Variants in DLG2 observed in about 807,000 individuals in gnomAD.
The protein encoded by DLG2 is discs large MAGUK scaffold protein 2.
DLG2 carries 45 observed loss-of-function variants against 132.5 expected under a neutral mutation model. The observed-to-expected ratio is 0.34, with a 90% CI of 0.27 to 0.44. The LOEUF (loss-of-function observed/expected upper bound fraction) is 0.44, where lower values mean the gene tolerates loss of function less well. Ranked by LOEUF, DLG2 falls within the 20% of genes least tolerant of loss-of-function variation. The probability of loss-of-function intolerance (pLI) is 1.00; values close to 1 mark genes in which losing one functional copy is unlikely to be tolerated. For missense variants in DLG2, 1,045 were observed against 1,196.9 expected (o/e 0.87, Z 1.87); for synonymous variants, 424 against 419.6 (o/e 1.01, Z -0.13).
chr11:83,464,424 G>C (rs932680762), intron 26 of DLG2, among the ~76,000 whole-genome samples: 1 of 152,178 alleles, frequency 6.6e-6, no homozygotes, highest in Admixed American at 6.5e-5. Flanking sequence ...GGCAATTCAT[G>C]GCAGCTTTGC....
At chr11:83,972,284 T>C (rs2091474098) in intron 12 of DLG2, among the ~76,000 whole-genome samples, 1 of 152,152 alleles carries the variant, frequency 6.6e-6, no homozygotes, top group Non-Finnish European at 1.5e-5. Context: ...ACATATTTAC[T>C]AAGAATTCAT....
intron 15 of DLG2, among the ~76,000 whole-genome samples, chr11:83,921,923 G>A (rs909994601): frequency 1.3e-5 from 2 of 151,992 alleles, no homozygotes; most frequent in African/African-American, 4.8e-5. Flanking sequence ...CACAGAATAG[G>A]AATTCTGGAG....
rs183106143 is a variant in DLG2 at position 84,181,907 on chromosome 11, A to G, written c.574-18396T>C. 2.0e-5 allele frequency among the ~76,000 whole-genome samples: 3 copies of G among 152,342 alleles called. No homozygotes were observed. In the East Asian group the frequency reaches 5.8e-4, roughly 29 times the overall value. ...GTAAAAACCCATAGAATAGCAAGAA[A>G]TAAATGAATCCACTATTATAGTTGG... On this transcript the variant is annotated intron_variant, in intron 8 of 27. Transcript: ENST00000376104.
chr11:84,576,528 G>A (rs902895520), intron 6 of DLG2, among the ~76,000 whole-genome samples: 2 of 152,110 alleles, frequency 1.3e-5, no homozygotes, highest in African/African-American at 2.4e-5. Context: ...TTGAAATAAA[G>A]TGTCTAGGTA....
chr11:85,079,948 C>G (rs935632779), intron 6 of DLG2, among the ~76,000 whole-genome samples: 3 of 152,024 alleles, frequency 2.0e-5, no homozygotes, highest in African/African-American at 7.2e-5. Context: ...ATCTTGATAT[C>G]CTCTCAGTAA....
intron 6 of DLG2, among the ~76,000 whole-genome samples, chr11:84,625,062 GT>G (rs2154542926): frequency 6.7e-6 from 1 of 150,370 alleles, no homozygotes; most frequent in Admixed American, 6.6e-5. Flanking sequence ...GGGTTTCACC[GT>G]TTTAGCCGGG....
intron 5 of DLG2, among the ~76,000 whole-genome samples, chr11:85,129,055 C>A (rs1445496336): frequency 6.6e-6 from 1 of 152,128 alleles, no homozygotes; most frequent in East Asian, 1.9e-4. Flanking sequence ...GTCAGAACAA[C>A]AATTTAAATC....
intron 3 of DLG2, among the ~76,000 whole-genome samples, chr11:85,544,658 T>G (rs2076186178): frequency 1.3e-5 from 2 of 152,176 alleles, no homozygotes. Flanking sequence ...TGTGTCCTCT[T>G]TTATTTCCTT....
chr11:84,852,584 T>G (rs1214824317), intron 6 of DLG2, among the ~76,000 whole-genome samples: 1 of 151,882 alleles, frequency 6.6e-6, no homozygotes, highest in Non-Finnish European at 1.5e-5. Flanking sequence ...TCTTTGATGA[T>G]CTCAGATACC....
chr11:83,849,042 A>AT (rs1654708210), intron 16 of DLG2, among the ~76,000 whole-genome samples: 1 of 152,126 alleles, frequency 6.6e-6, no homozygotes. Flanking sequence ...TATCTATTCA[A>AT]TTTTTTGAAG....
intron 3 of DLG2, among the ~76,000 whole-genome samples, chr11:85,373,669 T>C (rs935637787): frequency 6.6e-6 from 1 of 152,098 alleles, no homozygotes; most frequent in Non-Finnish European, 1.5e-5. Flanking sequence ...AAGCACTCTA[T>C]CTAGCAAAGG....
At chr11:85,495,632 C>G (rs925478590) in intron 3 of DLG2, among the ~76,000 whole-genome samples, 2 of 152,132 alleles carry the variant, frequency 1.3e-5, no homozygotes, top group Non-Finnish European at 2.9e-5. Flanking sequence ...CAGGAAACAA[C>G]AGATGCTGGT....
chr11:84,137,697 T>G (rs1052434034), intron 9 of DLG2, among the ~76,000 whole-genome samples: 1 of 152,182 alleles, frequency 6.6e-6, no homozygotes, highest in African/African-American at 2.4e-5. Context: ...TCAGTCTGCA[T>G]GTGGCTATAA....
At chr11:84,281,164 C>T (rs986217139) in intron 7 of DLG2, among the ~76,000 whole-genome samples, 11 of 151,956 alleles carry the variant, frequency 7.2e-5, no homozygotes, top group African/African-American at 1.9e-4. Context: ...GTTAACTCAA[C>T]GTGGATTATA....
chr11:85,057,467 C>G (rs374912265), intron 6 of DLG2, among the ~76,000 whole-genome samples: 1 of 151,394 alleles, frequency 6.6e-6, no homozygotes, highest in Admixed American at 6.6e-5. Context: ...TTACCAAAAC[C>G]AATACAAGAG....
At chr11:83,804,989 C>T (rs962060522) in intron 17 of DLG2, among the ~76,000 whole-genome samples, 7 of 151,960 alleles carry the variant, frequency 4.6e-5, no homozygotes, top group African/African-American at 1.7e-4. Context: ...GAGTGTTCTG[C>T]ATTTTGAATT....
chr11:83,516,119 G>C (rs535965309), intron 21 of DLG2, among the ~76,000 whole-genome samples: 2 of 152,210 alleles, frequency 1.3e-5, no homozygotes, highest in African/African-American at 2.4e-5. Context: ...AATGTTGTCA[G>C]TGGAGTGTTA....
At chr11:84,513,486 G>A (rs2099263171) in intron 7 of DLG2, among the ~76,000 whole-genome samples, 1 of 152,016 alleles carries the variant, frequency 6.6e-6, no homozygotes, top group South Asian at 2.1e-4. Flanking sequence ...CATAAAAACA[G>A]AGAAATAGAC....
chr11:85,248,511 C>T (rs1195111618), intron 4 of DLG2, among the ~76,000 whole-genome samples: 3 of 151,864 alleles, frequency 2.0e-5, no homozygotes, highest in African/African-American at 7.3e-5. Context: ...ACCTGGCCAG[C>T]CATGTCTCAT....
Sources: allele counts gnomAD v4.1 joint callset (sites outside exome capture counted in the v4.1 genomes callset), GRCh38; gene constraint gnomAD v4.1.1; transcripts MANE v1.5; gene names NCBI Gene and HGNC (gene_info 2026-07-23, HGNC 2026-07-21).